Variants in NCALD observed in about 807,000 individuals in gnomAD.
The protein encoded by NCALD is neurocalcin delta.
In NCALD, 10 loss-of-function variants were observed where a neutral mutation model predicts 18.6. The observed-to-expected ratio is 0.54, with a 90% CI of 0.33 to 0.91. The LOEUF is 0.91. Among genes scored for constraint, NCALD ranks in the 40% least tolerant of loss-of-function variants. NCALD has a pLI of 0.03. For missense variants in NCALD, 184 were observed against 247.6 expected, an observed-to-expected ratio of 0.74 and a Z score of 1.72; for synonymous variants, 88 against 87.4, an observed-to-expected ratio of 1.01 and a Z score of -0.04.
At chr8:101,910,541 T>C (rs1041816988) in intron 3 of NCALD, among the ~76,000 whole-genome samples, 2 of 152,150 alleles carry the variant, frequency 1.3e-5, no homozygotes. Flanking sequence ...AAATCCAATG[T>C]GGATTTAATC....
intron 4 of NCALD, among the ~76,000 whole-genome samples, chr8:101,824,263 C>G (rs2131207739): frequency 6.6e-6 from 1 of 152,284 alleles, no homozygotes; most frequent in Admixed American, 6.5e-5. Context: ...GCCCTCTCAG[C>G]TTCCACTGGC....
At chr8:101,988,171 A>G (rs1477958991) in intron 2 of NCALD, among the ~76,000 whole-genome samples, 29 of 150,826 alleles carry the variant, frequency 1.9e-4, no homozygotes, top group Non-Finnish European at 2.8e-4. Context: ...AAAAAAAGAA[A>G]AAAAAAAAGA....
At position 101,688,663 on chromosome 8, in the gene NCALD, A is replaced by C. The variant is rs1385225755; in HGVS notation, c.*646T>G. 1 of 463,662 alleles carries C rather than the reference A, an allele frequency of 2.2e-6. No homozygotes were observed. The highest frequency in any genetic ancestry group is 4.3e-6 in the Non-Finnish European group (1 of 231,958). The allele number at this position is 463,662 out of a possible 1,614,324, so 28.7% of individuals were successfully genotyped here. A position where few individuals can be genotyped will look rare whatever the true frequency, so the allele number is the denominator to read the frequency against. ...TTGTGTTTAATTTCCAAAGACACGC[A>C]TATTAGCTCAACTAGTGTAAACCTG... On this transcript the variant is annotated 3_prime_UTR_variant, in exon 4 of 4. Transcript: ENST00000220931.
intron 2 of NCALD, among the ~76,000 whole-genome samples, chr8:102,019,699 C>T (rs1193963776): frequency 2.0e-5 from 3 of 152,072 alleles, no homozygotes; most frequent in Non-Finnish European, 4.4e-5. Context: ...TTAAATCTAG[C>T]TAAGTATAGA....
At position 102,078,311 on chromosome 8, in the gene NCALD, G is replaced by A. The variant is rs145816978; in HGVS notation, c.-210+45926C>T. ...GCCATCACCTCTCAAGGGGATTACT[G>A]TAATAGTCAGCTACCTGGTCTCTTT... On this transcript the variant is annotated intron_variant, in intron 1 of 6. Transcript: ENST00000311028. Among the ~76,000 whole-genome samples the A allele has an allele frequency of 2.2e-3, 338 of 152,236 alleles. 3 individuals are homozygous for A. The highest frequency in any genetic ancestry group is 7.5e-3 in the African/African-American group (311 of 41,540).
intron 1 of NCALD, among the ~76,000 whole-genome samples, chr8:101,777,136 C>A (rs1036681041): frequency 5.3e-5 from 8 of 152,156 alleles, no homozygotes; most frequent in African/African-American, 9.7e-5. Flanking sequence ...AGGTCACTAG[C>A]CCCATCAGCA....
rs776404243 is a variant in NCALD, at chr8:101,976,383, C to T, written c.-157+43854G>A. Among the ~76,000 whole-genome samples the T allele has an allele frequency of 5.3e-5, 8 of 152,170 alleles. No individual in the cohort carries two copies. In the South Asian group the frequency reaches 6.2e-4, roughly 12 times the overall value. On this transcript the variant is annotated intron_variant, in intron 2 of 6. Transcript: ENST00000311028. The stretch of plus-strand genomic sequence containing the variant: ...GGATTGGGGACCCCCCGACTAATAA[C>T]GACCTACTCTCCCTGTGCTAACTTC...
intron 4 of NCALD, among the ~76,000 whole-genome samples, chr8:101,854,059 G>T (rs1815204581): frequency 6.6e-6 from 1 of 152,206 alleles, no homozygotes; most frequent in Admixed American, 6.5e-5. Flanking sequence ...CCAAAAGTAG[G>T]CTTGAGCCCC....
intron 1 of NCALD, among the ~76,000 whole-genome samples, chr8:102,077,898 C>T (rs773578479): frequency 6.6e-6 from 1 of 152,162 alleles, no homozygotes; most frequent in Non-Finnish European, 1.5e-5. Context: ...CTGCTCTATA[C>T]ACATTCTCTC....
intron 2 of NCALD, among the ~76,000 whole-genome samples, chr8:101,948,959 C>A (rs1819283236): frequency 6.6e-6 from 1 of 152,188 alleles, no homozygotes; most frequent in South Asian, 2.1e-4. Context: ...GTGCTCAGAA[C>A]AGGACCTGGC....
rs1823806461 is a variant in NCALD at position 102,060,347 on chromosome 8, T to A, written c.-209-40058A>T. ...CTGGTTAGAGAACATACTTTGAGAA[T>A]CAATGTTCTAGGGCATAGATCACCC... On this transcript the variant is annotated intron_variant, in intron 1 of 6. Coordinates refer to the NCALD transcript ENST00000311028. 2.0e-5 allele frequency among the ~76,000 whole-genome samples: 3 copies of A among 152,290 alleles called. No homozygotes were observed. The South Asian group carries it at 6.2e-4, about 32-fold the overall frequency.
intron 2 of NCALD, among the ~76,000 whole-genome samples, chr8:101,936,165 A>G (rs906687404): frequency 2.0e-5 from 3 of 152,202 alleles, no homozygotes; most frequent in Non-Finnish European, 4.4e-5. Context: ...ACAATTATCT[A>G]TAAGAATGAG....
chr8:101,966,565 T>C (rs1820040842), intron 2 of NCALD, among the ~76,000 whole-genome samples: 1 of 151,900 alleles, frequency 6.6e-6, no homozygotes, highest in African/African-American at 2.4e-5. Flanking sequence ...CACACCAACA[T>C]GGCACATGTA....
chr8:101,752,719 G>A (rs765208123), intron 1 of NCALD, among the ~76,000 whole-genome samples: 33 of 152,166 alleles, frequency 2.2e-4, no homozygotes, highest in Non-Finnish European at 4.4e-4. Context: ...GATAAATAAC[G>A]GATAAATAAG....
chr8:101,741,147 C>T (rs757851072), intron 1 of NCALD, among the ~76,000 whole-genome samples: 1 of 152,206 alleles, frequency 6.6e-6, no homozygotes, highest in Non-Finnish European at 1.5e-5. Context: ...GGAGAGGAGG[C>T]ACCCGGAATT....
intron 2 of NCALD, among the ~76,000 whole-genome samples, chr8:101,969,403 C>A (rs924473194): frequency 1.3e-5 from 2 of 152,182 alleles, no homozygotes; most frequent in Admixed American, 6.5e-5. Flanking sequence ...CAGTCTATTA[C>A]CCCACACTTC....
intron 2 of NCALD, among the ~76,000 whole-genome samples, chr8:101,706,849 A>C (rs1303904977): frequency 6.6e-6 from 1 of 152,222 alleles, no homozygotes; most frequent in Non-Finnish European, 1.5e-5. Flanking sequence ...GATTTGACTT[A>C]AACTTTTAAG....
intron 2 of NCALD, among the ~76,000 whole-genome samples, chr8:101,945,776 G>A (rs540128595): frequency 3.3e-5 from 5 of 152,318 alleles, no homozygotes; most frequent in African/African-American, 1.2e-4. Context: ...TGCTTTCAAA[G>A]GTTCCTAAGC....
chr8:102,081,575 A>C (rs1478769882), intron 1 of NCALD, among the ~76,000 whole-genome samples: 4 of 51,164 alleles, frequency 7.8e-5, no homozygotes, highest in South Asian at 4.0e-4. Context: ...AAAAAAAAAA[A>C]ACCCCAAAAA....
Sources: allele counts gnomAD v4.1 joint callset (sites outside exome capture counted in the v4.1 genomes callset), GRCh38; gene constraint gnomAD v4.1.1; transcripts MANE v1.5; gene names NCBI Gene and HGNC (gene_info 2026-07-23, HGNC 2026-07-21).